Variants in TRAPPC11 observed in about 807,000 individuals in gnomAD.
TRAPPC11 encodes foie gras homolog.
In TRAPPC11, 104 loss-of-function variants were observed where a neutral mutation model predicts 151.2. The observed-to-expected ratio is 0.69, with a 90% CI of 0.59 to 0.81. The LOEUF (loss-of-function observed/expected upper bound fraction) is 0.81. TRAPPC11 is among the 30% of genes least tolerant of loss of function. The pLI is 0.00. For synonymous variants in TRAPPC11, 456 were observed against 472.3 expected, an observed-to-expected ratio of 0.97 and a Z score of 0.45; for missense variants, 1,230 against 1,349.6, an observed-to-expected ratio of 0.91 and a Z score of 1.39.
Position 183,693,590 on chromosome 4 carries a change from A to G in TRAPPC11, c.2239A>G (p.Ile747Val). ...DSIIIQASTM[I>V]ISRVPNISVH... ...CTTAGCTAAGGTTTCTTTTCAAAGG[A>G]TCATATCCAGAGTCCCAAACATTTC... Residue 747 changes from isoleucine (I) to valine (V), a missense_variant and splice_region_variant, in exon 21 of 30, where the codon ATC (isoleucine) becomes GTC (valine). Ile to Val is a conservative substitution (Grantham distance 29). Coordinates refer to ENST00000334690, the MANE Select transcript of TRAPPC11 (RefSeq NM_021942.6). The G allele has an allele frequency of 1.9e-6, 3 of 1,604,080 alleles. No homozygotes were observed. The highest frequency in any genetic ancestry group is 2.5e-6 in the Non-Finnish European group (3 of 1,177,538).
At chr4:183,668,677 C>G (rs764330689) in intron 5 of TRAPPC11, among the ~76,000 whole-genome samples, 7 of 152,122 alleles carry the variant, frequency 4.6e-5, no homozygotes, top group South Asian at 2.1e-4. Flanking sequence ...AGGTGTGAGC[C>G]CTATCATATC....
chr4:183,699,542 G>A (rs757406979), intron 25 of TRAPPC11, among the ~76,000 whole-genome samples: 18 of 152,144 alleles, frequency 1.2e-4, no homozygotes, highest in Non-Finnish European at 1.5e-5. Flanking sequence ...ATAATCTGTG[G>A]CTTGAACTTC....
At chr4:183,661,822 C>T (rs764656884) in intron 1 of TRAPPC11, among the ~76,000 whole-genome samples, 7 of 136,286 alleles carry the variant, frequency 5.1e-5, no homozygotes, top group Non-Finnish European at 9.0e-5. Flanking sequence ...AGTGCAGTGG[C>T]ACAATCATAG....
chr4:183,712,601 C>T lies in TRAPPC11; in HGVS notation c.3359C>T (p.Pro1120Leu), dbSNP rs138928797. Residue 1120 changes from proline to leucine, a missense_variant and splice_region_variant, in exon 30 of 30, where the codon CCA becomes CTA. By Grantham distance (98) the Pro-to-Leu change is moderately conservative. Transcript: ENST00000334690. ...CACTTTGTTTTTCCCACTTTAAAGC[C>T]ACAGGGTCGACTCATGGATGATACC... ...RFIPTSIFVKPQGRLMDDTSI... is the reference protein window; with the variant it reads ...RFIPTSIFVKLQGRLMDDTSI... 6 of 1,613,828 alleles carry T rather than the reference C, an allele frequency of 3.7e-6. No homozygotes were observed. The African/African-American group carries it at 6.7e-5, about 18-fold the overall frequency.
chr4:183,706,965 T>C, intron 28 of TRAPPC11, 25 bp downstream of exon 28: 3 of 1,608,228 alleles, frequency 1.9e-6, no homozygotes, highest in Non-Finnish European at 2.6e-6. Context: ...TTGTGATGCT[T>C]ATGTTGACAC....
intron 29 of TRAPPC11, among the ~76,000 whole-genome samples, chr4:183,709,494 G>T (rs1737234769): frequency 6.6e-6 from 1 of 152,146 alleles, no homozygotes; most frequent in African/African-American, 2.4e-5. Context: ...TTGTAAAAGA[G>T]GCCTGGCGCA....
chr4:183,659,527 G>A (rs1734351427), intron 1 of TRAPPC11, 80 bp downstream of exon 1: 1 of 152,436 alleles, frequency 6.6e-6, no homozygotes, highest in African/African-American at 2.4e-5. Flanking sequence ...GCTGGTTTGG[G>A]GGCCTGCGTT....
At chr4:183,674,851 G>A (rs776993032) in intron 6 of TRAPPC11, 39 bp downstream of exon 6, 18 of 1,205,462 alleles carry the variant, frequency 1.5e-5, no homozygotes, top group Admixed American at 1.3e-4. Flanking sequence ...ATTCTGGAGC[G>A]GATTATTATT....
chr4:183,673,529 C>G (rs1359250063), intron 5 of TRAPPC11, among the ~76,000 whole-genome samples: 1 of 151,892 alleles, frequency 6.6e-6, no homozygotes, highest in African/African-American at 2.4e-5. Context: ...TAAAAATTAG[C>G]TGGGCGTGGT....
At chr4:183,690,228 A>AG (rs559015945) in intron 18 of TRAPPC11, among the ~76,000 whole-genome samples, 273 of 151,442 alleles carry the variant, frequency 1.8e-3, no homozygotes, top group Non-Finnish European at 3.2e-3. Flanking sequence ...AACCATAAGA[A>AG]AAAAAAAAGT....
In TRAPPC11 at chr4:183,674,798, A is replaced by T. The variant is rs780013092; in HGVS notation, c.646A>T (p.Lys216Ter). The T allele has an allele frequency of 1.3e-6, 2 of 1,588,860 alleles. No homozygotes were observed. Among genetic ancestry groups the T allele is most frequent in the East Asian group, 4.6e-5 (2 of 43,516 alleles). ...GAAATCTCATAAAGAATTTTTGAAT[A>T]AAACAACACACCAGGTGCGTGATTT... ...RVKSHKEFLN[K>*]TTHQLLFVRH... Residue 216 changes from lysine to a stop codon, truncating the protein, a stop_gained, in exon 6 of 30, where the codon AAA becomes TAA. Coordinates refer to ENST00000334690, the MANE Select transcript of TRAPPC11 (RefSeq NM_021942.6). LOFTEE classifies it high-confidence loss of function.
At chr4:183,667,917 A>G (rs944000099) in intron 4 of TRAPPC11, 86 bp from the exon 5 acceptor site, 32 of 981,742 alleles carry the variant, frequency 3.3e-5, no homozygotes, top group East Asian at 4.8e-5. Flanking sequence ...TCCTAATTCT[A>G]TTTTTTCAGA....
chr4:183,702,889 A>G (rs1019172807), intron 26 of TRAPPC11, among the ~76,000 whole-genome samples: 1 of 152,228 alleles, frequency 6.6e-6, no homozygotes, highest in African/African-American at 2.4e-5. Context: ...GGGAATGTTT[A>G]TACAACTCAG....
At chr4:183,704,938 TGTTTAAAAAGA>T (rs776989462) in intron 26 of TRAPPC11, 30 bp from the exon 27 acceptor site, 5 of 1,292,210 alleles carry the variant, frequency 3.9e-6, no homozygotes, top group East Asian at 2.3e-5. Context: ...TTTAAAAAGA[TGTTTAAAAAGA>T]GTTTAAAAAG....
At chr4:183,676,457 C>G (rs775027356) in intron 7 of TRAPPC11, among the ~76,000 whole-genome samples, 4 of 152,008 alleles carry the variant, frequency 2.6e-5, no homozygotes, top group Non-Finnish European at 5.9e-5. Flanking sequence ...GCCTGTAGTT[C>G]ATTTTTATCG....
In TRAPPC11 at chr4:183,678,377, G is replaced by T. The variant is rs150369117; in HGVS notation, c.831+823G>T. ...ATTCATCTTAAAGATGCCTGACTCT[G>T]TGTTGGTGATGTATGGCCAAATAGA... On this transcript the variant is annotated intron_variant, in intron 8 of 29. Coordinates refer to ENST00000334690, the MANE Select transcript of TRAPPC11 (RefSeq NM_021942.6). 2.1e-3 allele frequency among the ~76,000 whole-genome samples: 318 copies of T among 152,276 alleles called. 2 individuals are homozygous for T. The highest frequency in any genetic ancestry group is 7.2e-3 in the African/African-American group (301 of 41,566).
rs545403275 is a variant in TRAPPC11 at position 183,707,544 on chromosome 4, G to A, written c.3189+604G>A. Among the ~76,000 whole-genome samples the A allele has an allele frequency of 2.6e-5, 4 of 152,218 alleles. No homozygotes were observed. The South Asian group carries it at 6.2e-4, about 24-fold the overall frequency. On this transcript the variant is annotated intron_variant, in intron 28 of 29. Transcript: ENST00000334690. The stretch of plus-strand genomic sequence containing the variant: ...GAGTCCTGTCCTCCACTGTCAGAGG[G>A]ATAACAGAGATGACCCTCCAAAGTC...
In TRAPPC11 at chr4:183,668,067, G is replaced by C; in HGVS notation, c.510G>C (p.Lys170Asn). ...GCAATGCATGTGAACTCTCAGGAAA[G>C]TCTTTGTTTGTACTGCCGCACACTG... is the stretch of plus-strand genomic sequence containing the variant. ...ALCNACELSG[K>N]SLFVLPHTDH... The change falls in exon 5 of 30, where the codon AAG becomes AAC. Residue 170 changes from lysine to asparagine, a missense_variant. Lys to Asn is a moderately conservative substitution (Grantham distance 94). Transcript: ENST00000334690. 1.2e-6 allele frequency: 2 copies of C among 1,613,928 alleles called. No individual in the cohort carries two copies. The highest frequency in any genetic ancestry group is 1.7e-6 in the Non-Finnish European group (2 of 1,179,842).
intron 11 of TRAPPC11, 129 bp downstream of exon 11, chr4:183,682,954 GT>G: frequency 1.5e-6 from 1 of 660,254 alleles, no homozygotes. Context: ...TTTAAACATT[GT>G]TTTTGTTTTT....
Sources: gnomAD v4.1 joint callset for allele counts (sites outside exome capture counted in the v4.1 genomes callset) on GRCh38, gnomAD v4.1.1 for gene constraint, MANE v1.5 for transcripts, NCBI Gene and HGNC (gene_info 2026-07-23, HGNC 2026-07-21) for gene names.